The following UST variants were observed in gnomAD, a reference collection of about 807,000 sequenced individuals.
UST encodes uronyl 2-sulfotransferase, also known as chondroitin sulfate 2-O-sulfotransferase.
Under a neutral mutation model 45.6 loss-of-function variants are expected in UST, and 21 were observed. That is an observed-to-expected ratio of 0.46 (90% CI 0.33 to 0.66). The LOEUF is 0.66. Ranked by LOEUF, UST falls within the 30% of genes least tolerant of loss-of-function variation. The pLI is 0.02. For synonymous variants in UST, 215 were observed against 200.6 expected, an observed-to-expected ratio of 1.07 and a Z score of -0.61; for missense variants, 463 against 512.4, an observed-to-expected ratio of 0.90 and a Z score of 0.93.
At chr6:148,876,024 G>A (rs1475793781) in intron 1 of UST, among the ~76,000 whole-genome samples, 1 of 152,120 alleles carries the variant, frequency 6.6e-6, no homozygotes, top group Non-Finnish European at 1.5e-5. Context: ...AGAAATACTG[G>A]TGACTAGGTA....
At chr6:148,923,930 C>G (rs900352394) in intron 2 of UST, among the ~76,000 whole-genome samples, 1 of 152,180 alleles carries the variant, frequency 6.6e-6, no homozygotes, top group East Asian at 1.9e-4. Flanking sequence ...CCTCGGTTTC[C>G]TCGTCAGTAA....
At chr6:148,841,572 G>C (rs1049353727) in intron 1 of UST, among the ~76,000 whole-genome samples, 8 of 141,766 alleles carry the variant, frequency 5.6e-5, no homozygotes, top group Non-Finnish European at 1.2e-4. Flanking sequence ...GCCCAAGGGG[G>C]TCTGTTTTGT....
At chr6:148,878,641 G>GAGTGCGGGGGGTCGTGTATA in intron 1 of UST, among the ~76,000 whole-genome samples, 1 of 122,630 alleles carries the variant, frequency 8.2e-6, no homozygotes, top group African/African-American at 3.2e-5. Flanking sequence ...GATCGTGTAT[G>GAGTGCGGGGGGTCGTGTATA]AGTGCGGGGG....
At chr6:148,859,566 C>T (rs1312390489) in intron 1 of UST, among the ~76,000 whole-genome samples, 1 of 151,736 alleles carries the variant, frequency 6.6e-6, no homozygotes, top group Admixed American at 6.6e-5. Context: ...GAAGTCCTTG[C>T]CCATGCCTAG....
chr6:148,781,911 A>T lies in UST; in HGVS notation c.247+34234A>T, dbSNP rs376977938. Among the ~76,000 whole-genome samples the T allele has an allele frequency of 5.3e-5, 8 of 152,288 alleles. No homozygotes were observed. In the South Asian group the frequency reaches 1.7e-3, roughly 32 times the overall value. ...CTTTAAAAAAATAGTGCTCAGAAAA[A>T]CAGATTCCTTTCAAAGGTCACTGCT... On this transcript the variant is annotated intron_variant, in intron 1 of 7. Coordinates refer to ENST00000367463, the MANE Select transcript of UST (RefSeq NM_005715.3).
At chr6:148,924,261 T>C (rs1481462255) in intron 2 of UST, among the ~76,000 whole-genome samples, 1 of 152,190 alleles carries the variant, frequency 6.6e-6, no homozygotes, top group Non-Finnish European at 1.5e-5. Flanking sequence ...ATTCTTGCTC[T>C]AGGCCCTTCT....
intron 6 of UST, 90 bp downstream of exon 6, chr6:149,019,326 T>A (rs1775948622): frequency 1.1e-6 from 1 of 938,044 alleles, no homozygotes; most frequent in Non-Finnish European, 1.7e-6. Context: ...ATCTTTTGTA[T>A]CCCTAGTCTC....
intron 1 of UST, among the ~76,000 whole-genome samples, chr6:148,765,911 A>G (rs1776313451): frequency 1.3e-5 from 2 of 152,150 alleles, no homozygotes; most frequent in African/African-American, 4.8e-5. Flanking sequence ...GGGAGTTGGC[A>G]TTCTTGTCTT....
At chr6:148,829,543 C>G (rs1722385905) in intron 1 of UST, among the ~76,000 whole-genome samples, 1 of 152,116 alleles carries the variant, frequency 6.6e-6, no homozygotes, top group African/African-American at 2.4e-5. Context: ...TCAAATCCAC[C>G]CCACTCTCAC....
intron 5 of UST, among the ~76,000 whole-genome samples, chr6:148,998,595 C>T (rs1781492875): frequency 1.3e-5 from 2 of 152,228 alleles, no homozygotes; most frequent in South Asian, 2.1e-4. Context: ...TAATATCACA[C>T]TGCCCCTCCT....
chr6:148,980,122 G>C (rs1014878545), intron 5 of UST, among the ~76,000 whole-genome samples: 1 of 152,102 alleles, frequency 6.6e-6, no homozygotes, highest in African/African-American at 2.4e-5. Flanking sequence ...AGTTTGTACG[G>C]TCAGTTTCGT....
At chr6:149,060,250 G>A (rs969751403) in intron 7 of UST, among the ~76,000 whole-genome samples, 2 of 135,854 alleles carry the variant, frequency 1.5e-5, no homozygotes, top group African/African-American at 5.3e-5. Flanking sequence ...CACCCCAAAA[G>A]TTTTCTGTTT....
intron 2 of UST, among the ~76,000 whole-genome samples, chr6:148,926,875 C>A (rs1779823207): frequency 6.6e-6 from 1 of 151,894 alleles, no homozygotes; most frequent in African/African-American, 2.4e-5. Flanking sequence ...ATTAGGTAAG[C>A]AACTAGCAGA....
chr6:148,880,864 C>T (rs1778811107), intron 1 of UST, among the ~76,000 whole-genome samples: 1 of 151,952 alleles, frequency 6.6e-6, no homozygotes, highest in Non-Finnish European at 1.5e-5. Context: ...CCCATCTCTA[C>T]TAAAAATACA....
intron 2 of UST, among the ~76,000 whole-genome samples, chr6:148,924,062 C>T (rs1779767160): frequency 1.3e-5 from 2 of 152,190 alleles, no homozygotes; most frequent in Non-Finnish European, 2.9e-5. Flanking sequence ...GCTTACTAAA[C>T]AGTAGTTAAT....
intron 1 of UST, among the ~76,000 whole-genome samples, chr6:148,880,765 C>T (rs557392354): frequency 1.8e-4 from 28 of 152,266 alleles, no homozygotes; most frequent in Non-Finnish European, 3.4e-4. Context: ...TGTGGTGGCT[C>T]ACACCTATAA....
rs116231440 is a variant in UST, at chr6:148,792,353, A to G, written c.247+44676A>G. Among the ~76,000 whole-genome samples, 1,504 of 152,324 alleles carry G rather than the reference A, an allele frequency of 9.9e-3. 13 individuals are homozygous for G. Among genetic ancestry groups the G allele is most frequent in the South Asian group, 0.018 (87 of 4,830 alleles). ...ATTCAGAGCTGACCCCGGGCTGGCA[A>G]TGAGAGCTCACAGTCTTGCTCTCCT... On this transcript the variant is annotated intron_variant, in intron 1 of 7. Coordinates refer to ENST00000367463, the MANE Select transcript of UST (RefSeq NM_005715.3).
At chr6:148,813,961 A>G (rs547142501) in intron 1 of UST, among the ~76,000 whole-genome samples, 1 of 152,366 alleles carries the variant, frequency 6.6e-6, no homozygotes, top group East Asian at 1.9e-4. Flanking sequence ...GAGATAAAAT[A>G]TAACTGTTTC....
intron 1 of UST, among the ~76,000 whole-genome samples, chr6:148,794,990 A>G (rs1176874964): frequency 6.6e-6 from 1 of 152,208 alleles, no homozygotes. Context: ...TCAGTCAGTC[A>G]TACTAAAGAC....
Sources: gnomAD v4.1 joint callset for allele counts (sites outside exome capture counted in the v4.1 genomes callset) on GRCh38, gnomAD v4.1.1 for gene constraint, MANE v1.5 for transcripts, NCBI Gene and HGNC (gene_info 2026-07-23, HGNC 2026-07-21) for gene names.